The following ADAMTS2 variants were observed in gnomAD, a reference collection of about 807,000 sequenced individuals.
ADAMTS2 encodes ADAM metallopeptidase with thrombospondin type 1 motif 2.
ADAMTS2 carries 50 observed loss-of-function variants against 123.0 expected under a neutral mutation model. The ratio of observed to expected loss-of-function variants is 0.41; its 90% confidence interval spans 0.32 to 0.51. The LOEUF is 0.51. ADAMTS2 is among the 20% of genes least tolerant of loss of function. The probability of loss-of-function intolerance (pLI) is 0.35; values close to 1 mark genes in which losing one functional copy is unlikely to be tolerated. For synonymous variants in ADAMTS2, 678 were observed against 695.4 expected, an observed-to-expected ratio of 0.98 and a Z score of 0.39; for missense variants, 1,494 against 1,705.2, an observed-to-expected ratio of 0.88 and a Z score of 2.18.
chr5:179,196,654 G>A (rs1764439926), intron 4 of ADAMTS2, among the ~76,000 whole-genome samples: 1 of 152,252 alleles, frequency 6.6e-6, no homozygotes, highest in Non-Finnish European at 1.5e-5. Context: ...ACACCCACGT[G>A]CACTGATGTA....
At chr5:179,299,530 A>AACACACACACACACACACACACACAC (rs3986821) in intron 2 of ADAMTS2, among the ~76,000 whole-genome samples, 16 of 120,522 alleles carry the variant, frequency 1.3e-4, no homozygotes, top group South Asian at 9.7e-4. Flanking sequence ...CTCCAACTCA[A>AACACACACACACACACACACACACAC]ACACACACAC....
At position 179,130,243 on chromosome 5, in the gene ADAMTS2, G is replaced by A. The variant is rs1581141843; in HGVS notation, c.2291-145C>T. 2.1e-5 allele frequency: 21 copies of A among 995,974 alleles called. No homozygotes were observed. The East Asian group carries it at 4.7e-4, about 22-fold the overall frequency. The allele number at this position is 995,974 out of a possible 1,614,324, so 61.7% of individuals were successfully genotyped here. ...CCCCGGCCAGTTTCCTCTGTGCCAC[G>A]ACAGCCCAGATGGCTCTGGGAGCCC... On this transcript the variant is annotated intron_variant, in intron 15 of 21. Coordinates refer to ENST00000251582, the MANE Select transcript of ADAMTS2 (RefSeq NM_014244.5). This position sits in a 1 kb window ranked among gnomAD's most constrained non-coding sequence, Gnocchi z 4.3.
At chr5:179,217,209 C>A (rs1561810816) in intron 3 of ADAMTS2, among the ~76,000 whole-genome samples, 1 of 152,206 alleles carries the variant, frequency 6.6e-6, no homozygotes, top group African/African-American at 2.4e-5. Context: ...AGTTTGATAT[C>A]TACATAGATG....
chr5:179,300,162 T>C (rs1008832753), intron 2 of ADAMTS2, among the ~76,000 whole-genome samples: 2 of 151,890 alleles, frequency 1.3e-5, no homozygotes, highest in African/African-American at 4.8e-5. Context: ...TCTCCTTATC[T>C]TAAAAGTCAA....
chr5:179,336,179 G>C (rs1450283659), intron 2 of ADAMTS2, among the ~76,000 whole-genome samples: 1 of 152,202 alleles, frequency 6.6e-6, no homozygotes, highest in Non-Finnish European at 1.5e-5. Context: ...CCCCGGCCCT[G>C]GCCCCCGCCT....
chr5:179,209,581 T>A (rs796562447), intron 3 of ADAMTS2, among the ~76,000 whole-genome samples: 6 of 118,226 alleles, frequency 5.1e-5, no homozygotes, highest in Non-Finnish European at 1.1e-4. Flanking sequence ...TGCACACACA[T>A]GTACACACAC....
chr5:179,207,853 A>G, intron 3 of ADAMTS2, 138 bp from the exon 4 acceptor site: 1 of 799,066 alleles, frequency 1.3e-6, no homozygotes. Context: ...TTACAGAGGA[A>G]AGCGAGGTGC....
rs374709303 is a variant in ADAMTS2, at chr5:179,250,581, T to C, written c.688+22330A>G. Among the ~76,000 whole-genome samples, 5 of 152,326 alleles carry C rather than the reference T, an allele frequency of 3.3e-5. No homozygotes were observed. In the East Asian group the frequency reaches 9.7e-4, roughly 29 times the overall value. On this transcript the variant is annotated intron_variant, in intron 3 of 21. Transcript: ENST00000251582. Reference sequence around the variant, plus strand: ...ATAAAGGAAAGATTAAACAATGATCTACTCCTTACCTCTGTTCTCAGAGCC... The same window carrying C: ...ATAAAGGAAAGATTAAACAATGATCCACTCCTTACCTCTGTTCTCAGAGCC...
chr5:179,113,827 A>C lies in ADAMTS2; in HGVS notation c.*40T>G, dbSNP rs752066464. On this transcript the variant is annotated 3_prime_UTR_variant, in exon 22 of 22. Coordinates refer to ENST00000251582, the MANE Select transcript of ADAMTS2 (RefSeq NM_014244.5). ...TGCTATCCCATGGAATATCTCTATA[A>C]GCAAGAAAAAAATGCTAGGGATGCT... The C allele has an allele frequency of 6.3e-7, 1 of 1,595,042 alleles. No homozygotes were observed. The highest frequency in any genetic ancestry group is 1.1e-5 in the South Asian group (1 of 90,646).
rs531740342 is a variant in ADAMTS2 at position 179,185,104 on chromosome 5, G to A, written c.892-3949C>T. Among the ~76,000 whole-genome samples, 105 of 152,294 alleles carry A rather than the reference G, an allele frequency of 6.9e-4. No individual in the cohort carries two copies. The highest frequency in any genetic ancestry group is 2.5e-3 in the African/African-American group (102 of 41,566). ...AGCACAGAGGGGATGTGGAAGGGAT[G>A]CCCCAGCAGAGGAGGTGGGAGGGGA... On this transcript the variant is annotated intron_variant, in intron 4 of 21. Transcript: ENST00000251582. The surrounding 1 kb of genome is among the most constrained non-coding windows in gnomAD (Gnocchi z 5.9).
chr5:179,182,979 T>A (rs1286044794), intron 4 of ADAMTS2, among the ~76,000 whole-genome samples: 1 of 152,162 alleles, frequency 6.6e-6, no homozygotes, highest in Non-Finnish European at 1.5e-5. Flanking sequence ...CTCTGTAAAA[T>A]GAGGATTGCA....
chr5:179,214,811 CAAATAATTGTTA>C lies in ADAMTS2; in HGVS notation c.689-7108_689-7097del, dbSNP rs373393186. Among the ~76,000 whole-genome samples, 957 of 151,216 alleles carry C rather than the reference CAAATAATTGTTA, an allele frequency of 6.3e-3. 7 individuals are homozygous for C. The highest frequency in any genetic ancestry group is 0.023 in the African/African-American group (916 of 40,520). ...TCAAGAAATTTGGCATAATCTCCAT[CAAATAATTGTTA>C]AAATAATTGTTAAAATTATTCTCCG... On this transcript the variant is annotated intron_variant, in intron 3 of 21. Transcript: ENST00000251582.
rs757562182 is a variant in ADAMTS2, at chr5:179,132,227, C to T, written c.2290+3G>A. 1.2e-5 allele frequency: 19 copies of T among 1,613,778 alleles called. No individual in the cohort carries two copies. The highest frequency in any genetic ancestry group is 2.7e-5 in the African/African-American group (2 of 74,938). On this transcript the variant is annotated splice_donor_region_variant and intron_variant, in intron 15 of 21. Transcript: ENST00000251582. The surrounding 1 kb of genome is among the most constrained non-coding windows in gnomAD (Gnocchi z 6.1). The stretch of plus-strand genomic sequence containing the variant: ...CGTCAAGTTGTCCGGCTCTGAGACT[C>T]ACCCAGATGGTGGCTGGTGGCGTCT...
At chr5:179,153,762 T>G in intron 8 of ADAMTS2, 139 bp from the exon 9 acceptor site, 1 of 1,321,726 alleles carries the variant, frequency 7.6e-7, no homozygotes, top group Non-Finnish European at 1.0e-6. Context: ...CTGCCTCAGT[T>G]TCCCTGCTGC....
intron 6 of ADAMTS2, among the ~76,000 whole-genome samples, chr5:179,156,067 C>T (rs959576421): frequency 8.5e-5 from 13 of 152,180 alleles, no homozygotes; most frequent in African/African-American, 2.9e-4. Context: ...GTTGCCATCT[C>T]CTCTTTGCCC....
intron 4 of ADAMTS2, among the ~76,000 whole-genome samples, chr5:179,186,840 AC>A (rs1369597876): frequency 7.5e-5 from 3 of 39,836 alleles, no homozygotes; most frequent in Non-Finnish European, 1.0e-4. Context: ...TGTCCTCCCC[AC>A]CCCCCCACCC....
At chr5:179,341,393 G>A (rs1174172354) in intron 2 of ADAMTS2, 3 of 349,514 alleles carry the variant, frequency 8.6e-6, no homozygotes, top group Non-Finnish European at 1.1e-5. Flanking sequence ...GAAGAGAAGA[G>A]AAAGAGGACA....
chr5:179,139,700 G>A (rs1763126927), intron 11 of ADAMTS2, among the ~76,000 whole-genome samples, 190 bp downstream of exon 11: 1 of 152,150 alleles, frequency 6.6e-6, no homozygotes, highest in African/African-American at 2.4e-5. Flanking sequence ...AGGGGTAAGA[G>A]GCAGAGCTAA....
At chr5:179,150,214 G>A (rs980631707) in intron 10 of ADAMTS2, among the ~76,000 whole-genome samples, 5 of 152,170 alleles carry the variant, frequency 3.3e-5, no homozygotes, top group East Asian at 1.9e-4. Context: ...GGGTGGGTGC[G>A]GCGGGCGGGG....
Sources: gnomAD v4.1 joint callset for allele counts (sites outside exome capture counted in the v4.1 genomes callset) on GRCh38, gnomAD v4.1.1 for gene constraint, Gnocchi (gnomAD v3.1) non-coding constraint, MANE v1.5 for transcripts, NCBI Gene and HGNC (gene_info 2026-07-23, HGNC 2026-07-21) for gene names.